The following BCAS3 variants were observed in gnomAD, a reference collection of about 807,000 sequenced individuals.
BCAS3 encodes the protein BCAS3 microtubule associated cell migration factor.
BCAS3 carries 53 observed loss-of-function variants against 116.1 expected under a neutral mutation model. The ratio of observed to expected loss-of-function variants is 0.46; its 90% confidence interval spans 0.37 to 0.57. The LOEUF (loss-of-function observed/expected upper bound fraction) is 0.57. Among genes scored for constraint, BCAS3 ranks in the 20% least tolerant of loss-of-function variants. The pLI is 0.00. For missense variants in BCAS3, 917 were observed against 1,165.4 expected, an observed-to-expected ratio of 0.79 and a Z score of 3.10; for synonymous variants, 391 against 408.2, an observed-to-expected ratio of 0.96 and a Z score of 0.51.
Position 61,139,248 on chromosome 17 carries a change from T to G in BCAS3, c.2425+54684T>G, listed in dbSNP as rs2076797989. On this transcript the variant is annotated intron_variant, in intron 22 of 23. Transcript: ENST00000407086. This position sits in a 1 kb window ranked among gnomAD's most constrained non-coding sequence, Gnocchi z 4.7. The stretch of plus-strand genomic sequence containing the variant: ...GTTATAGATGATCTAATCTAAAAAG[T>G]TGGAGGACTTAAAAAGAAAGTGTGA... 1.3e-5 allele frequency among the ~76,000 whole-genome samples: 2 copies of G among 152,186 alleles called. No individual in the cohort carries two copies. Among genetic ancestry groups the G allele is most frequent in the South Asian group, 4.1e-4 (2 of 4,836 alleles).
rs181079990 is a variant in BCAS3 at position 61,366,214 on chromosome 17, G to A, written c.2426-2113G>A. ...TTTCTTGTTATCATTAAGTCCTTGCGTCGCATGCAGACCCTTCAGAGAAAC... is the reference window on the plus strand; with the variant it reads ...TTTCTTGTTATCATTAAGTCCTTGCATCGCATGCAGACCCTTCAGAGAAAC... On this transcript the variant is annotated intron_variant, in intron 22 of 23. Transcript: ENST00000407086. The surrounding 1 kb of genome is among the most constrained non-coding windows in gnomAD (Gnocchi z 4.5). 7.2e-5 allele frequency among the ~76,000 whole-genome samples: 11 copies of A among 152,104 alleles called. No individual in the cohort carries two copies. Among genetic ancestry groups the A allele is most frequent in the East Asian group, 1.9e-4 (1 of 5,180 alleles).
At position 61,387,470 on chromosome 17, in the gene BCAS3, C is replaced by A. The variant is rs547561018; in HGVS notation, c.2594-4507C>A. ...ATATGGAGTGGGGCAGCATGAGGAT[C>A]CAGCTTGCTTTTTTTTCACCCTGAG... On this transcript the variant is annotated intron_variant, in intron 23 of 23. Transcript: ENST00000407086. The surrounding 1 kb of genome is among the most constrained non-coding windows in gnomAD (Gnocchi z 6.2). Among the ~76,000 whole-genome samples the A allele has an allele frequency of 2.0e-4, 30 of 152,316 alleles. No individual in the cohort carries two copies. The highest frequency in any genetic ancestry group is 3.2e-4 in the Non-Finnish European group (22 of 68,036).
intron 22 of BCAS3, among the ~76,000 whole-genome samples, chr17:61,257,507 A>G (rs1038669974): frequency 6.6e-6 from 1 of 150,812 alleles, no homozygotes; most frequent in African/African-American, 2.4e-5. Flanking sequence ...TTACCAAGCC[A>G]CCTTCCTTTG....
At chr17:60,868,355 A>G (rs1013639725) in intron 7 of BCAS3, among the ~76,000 whole-genome samples, 1 of 151,858 alleles carries the variant, frequency 6.6e-6, no homozygotes, top group African/African-American at 2.4e-5. Context: ...GTGTAGTACT[A>G]ATTTGGTGAG....
intron 22 of BCAS3, among the ~76,000 whole-genome samples, chr17:61,295,401 T>G (rs1278860545): frequency 1.3e-5 from 2 of 152,220 alleles, no homozygotes; most frequent in Non-Finnish European, 2.9e-5. Flanking sequence ...AGAGAACCCC[T>G]GTCTCTGACA....
At chr17:61,317,724 G>T (rs1337417988) in intron 22 of BCAS3, among the ~76,000 whole-genome samples, 1 of 152,222 alleles carries the variant, frequency 6.6e-6, no homozygotes, top group East Asian at 1.9e-4. Flanking sequence ...GGGCACAGTT[G>T]TTCCTAAGAA....
intron 14 of BCAS3, among the ~76,000 whole-genome samples, chr17:60,948,669 A>C (rs2060660626): frequency 1.3e-5 from 2 of 152,182 alleles, no homozygotes; most frequent in Non-Finnish European, 2.9e-5. Context: ...ATGGATTGAA[A>C]TGTCTTAAAT....
intron 7 of BCAS3, among the ~76,000 whole-genome samples, chr17:60,857,525 A>G (rs965595687): frequency 6.6e-6 from 1 of 152,208 alleles, no homozygotes; most frequent in Non-Finnish European, 1.5e-5. Flanking sequence ...GGCTTGTATG[A>G]TAGAAAATAA....
intron 22 of BCAS3, among the ~76,000 whole-genome samples, chr17:61,296,824 G>C (rs1344065139): frequency 6.6e-6 from 1 of 152,200 alleles, no homozygotes; most frequent in East Asian, 1.9e-4. Context: ...CACAAACAAG[G>C]AGCTGTGTTT....
Position 61,007,086 on chromosome 17 carries a change from A to G in BCAS3, c.1487-8665A>G, listed in dbSNP as rs1463978396. Reference sequence around the variant, plus strand: ...AGGAGATTTTGTTCATTTAACTTACAAGTTTGGGTTGACTCTGTGATTGAA... The same window carrying G: ...AGGAGATTTTGTTCATTTAACTTACGAGTTTGGGTTGACTCTGTGATTGAA... On this transcript the variant is annotated intron_variant, in intron 15 of 23. Transcript: ENST00000407086. This position sits in a 1 kb window ranked among gnomAD's most constrained non-coding sequence, Gnocchi z 4.3. Among the ~76,000 whole-genome samples the G allele has an allele frequency of 6.6e-6, 1 of 152,038 alleles. No individual in the cohort carries two copies. The highest frequency in any genetic ancestry group is 2.4e-5 in the African/African-American group (1 of 41,430).
At chr17:61,296,231 G>C (rs984965628) in intron 22 of BCAS3, among the ~76,000 whole-genome samples, 1 of 152,102 alleles carries the variant, frequency 6.6e-6, no homozygotes, top group Admixed American at 6.5e-5. Context: ...TTACCCAGAG[G>C]TCATATGCAT....
intron 22 of BCAS3, among the ~76,000 whole-genome samples, chr17:61,152,892 C>A (rs1157265102): frequency 6.6e-6 from 1 of 152,114 alleles, no homozygotes; most frequent in Non-Finnish European, 1.5e-5. Flanking sequence ...AAGGGAATCC[C>A]TTATTGTTAA....
intron 11 of BCAS3, among the ~76,000 whole-genome samples, chr17:60,907,463 A>T (rs2058246502): frequency 6.6e-6 from 1 of 152,206 alleles, no homozygotes; most frequent in East Asian, 1.9e-4. Context: ...ATGGATAGGG[A>T]GGCCAACTGA....
chr17:61,167,506 A>G (rs1010206255), intron 22 of BCAS3, among the ~76,000 whole-genome samples: 1 of 152,204 alleles, frequency 6.6e-6, no homozygotes, highest in Non-Finnish European at 1.5e-5. Context: ...AAATCTCACT[A>G]TAGATAGTTT....
chr17:61,114,853 C>G (rs891517275), intron 22 of BCAS3, among the ~76,000 whole-genome samples: 2 of 151,318 alleles, frequency 1.3e-5, no homozygotes, highest in Non-Finnish European at 3.0e-5. Context: ...TACAAGGCTA[C>G]AGTAACCAAA....
chr17:60,896,876 C>T (rs2057549079), intron 10 of BCAS3, among the ~76,000 whole-genome samples: 1 of 151,888 alleles, frequency 6.6e-6, no homozygotes, highest in South Asian at 2.1e-4. Flanking sequence ...TGATTGTTTT[C>T]TGGTTATTTC....
Position 61,139,556 on chromosome 17 carries a change from G to C in BCAS3, c.2425+54992G>C, listed in dbSNP as rs1380578997. On this transcript the variant is annotated intron_variant, in intron 22 of 23. Transcript: ENST00000407086. This position sits in a 1 kb window ranked among gnomAD's most constrained non-coding sequence, Gnocchi z 4.7. ...GTTCAGGAGTGGGTGAGCTACCTAA[G>C]AAACTCCCTTTGAAGGATTCCTTGT... Among the ~76,000 whole-genome samples, 1 of 152,184 alleles carries C rather than the reference G, an allele frequency of 6.6e-6. No individual in the cohort carries two copies. The highest frequency in any genetic ancestry group is 2.4e-5 in the African/African-American group (1 of 41,432).
At chr17:60,736,686 C>A (rs2041002143) in intron 5 of BCAS3, among the ~76,000 whole-genome samples, 1 of 152,038 alleles carries the variant, frequency 6.6e-6, no homozygotes, top group African/African-American at 2.4e-5. Context: ...ATTACTGAGT[C>A]AATTTCTTTA....
chr17:61,114,109 A>G (rs1470704323), intron 22 of BCAS3, among the ~76,000 whole-genome samples: 1 of 148,062 alleles, frequency 6.8e-6, no homozygotes, highest in Non-Finnish European at 1.5e-5. Flanking sequence ...AGAGCTATCT[A>G]TGACAAACCC....
Sources: gnomAD v4.1 joint callset for allele counts (sites outside exome capture counted in the v4.1 genomes callset) on GRCh38, gnomAD v4.1.1 for gene constraint, Gnocchi (gnomAD v3.1) non-coding constraint, MANE v1.5 for transcripts, NCBI Gene and HGNC (gene_info 2026-07-23, HGNC 2026-07-21) for gene names.